Variants in XKR9 observed in about 807,000 individuals in gnomAD.
The protein encoded by XKR9 is XK related 9, also known as XK-related protein 9.
In XKR9, 32 loss-of-function variants were observed where a neutral mutation model predicts 32.0. The ratio of observed to expected loss-of-function variants is 1.00; its 90% CI spans 0.76 to 1.34. The LOEUF (loss-of-function observed/expected upper bound fraction) is 1.34, where lower values mean the gene tolerates loss of function less well. Ranked by LOEUF, XKR9 falls within the 40% of genes most tolerant of loss-of-function variation. The probability of loss-of-function intolerance (pLI) is 0.00; values close to 1 mark genes in which losing one functional copy is unlikely to be tolerated. For missense variants in XKR9, 546 were observed against 429.7 expected (o/e 1.27, Z -2.39); for synonymous variants, 168 against 143.4 (o/e 1.17, Z -1.22).
chr8:70,973,661 C>G, the XKR9 span, among the ~76,000 whole-genome samples: 1 of 152,016 alleles, frequency 6.6e-6, no homozygotes, highest in Non-Finnish European at 1.5e-5. Context: ...TAGGTTGTAC[C>G]ACTATTATTA....
At chr8:70,799,511 T>A in the XKR9 span, among the ~76,000 whole-genome samples, 1 of 152,014 alleles carries the variant, frequency 6.6e-6, no homozygotes, top group East Asian at 1.9e-4. Context: ...TTTTGTATTT[T>A]AGTAGAGACA....
the XKR9 span, among the ~76,000 whole-genome samples, chr8:71,058,898 C>G: frequency 2.6e-5 from 4 of 152,202 alleles, no homozygotes; most frequent in South Asian, 2.1e-4. Flanking sequence ...GCATCCTCAT[C>G]TCTGTGCCAT....
chr8:70,761,551 T>G (rs1312897254), intron 2 of XKR9, among the ~76,000 whole-genome samples: 2 of 152,026 alleles, frequency 1.3e-5, no homozygotes, highest in African/African-American at 4.8e-5. Flanking sequence ...AGGCTGTTAG[T>G]TTTTTCTTGT....
the XKR9 span, among the ~76,000 whole-genome samples, chr8:70,872,022 G>A: frequency 6.6e-6 from 1 of 152,154 alleles, no homozygotes; most frequent in African/African-American, 2.4e-5. Context: ...CTATGGAACT[G>A]GAACTTTCTT....
chr8:70,675,144 G>A (rs1439562099), intron 2 of XKR9, among the ~76,000 whole-genome samples: 1 of 152,074 alleles, frequency 6.6e-6, no homozygotes, highest in Non-Finnish European at 1.5e-5. Context: ...TAAGAAACGA[G>A]GGCCAGGTGC....
the XKR9 span, among the ~76,000 whole-genome samples, chr8:70,891,397 A>T: frequency 6.6e-6 from 1 of 152,008 alleles, no homozygotes; most frequent in Admixed American, 6.6e-5. Flanking sequence ...CTTATTTAAA[A>T]TATTTCTACT....
At chr8:70,882,321 A>G in the XKR9 span, among the ~76,000 whole-genome samples, 17,387 of 151,888 alleles carry the variant, frequency 0.11, 1,179 homozygotes, top group African/African-American at 0.19. Context: ...AAAAAAATTA[A>G]GGCATGTGGT....
At chr8:70,853,179 TG>T in the XKR9 span, among the ~76,000 whole-genome samples, 1 of 152,040 alleles carries the variant, frequency 6.6e-6, no homozygotes, top group Non-Finnish European at 1.5e-5. Context: ...CTCACTTATT[TG>T]TGGGATCTAA....
intron 3 of XKR9, among the ~76,000 whole-genome samples, chr8:70,681,831 G>A (rs1448219657): frequency 2.0e-5 from 3 of 151,914 alleles, no homozygotes; most frequent in Non-Finnish European, 4.4e-5. Context: ...ACTCTAAATA[G>A]GCCCTCAGAA....
the XKR9 span, among the ~76,000 whole-genome samples, chr8:70,829,035 AT>A: frequency 6.6e-6 from 1 of 152,216 alleles, no homozygotes; most frequent in South Asian, 2.1e-4. Flanking sequence ...TCATGGTAAC[AT>A]TTACCAACAA....
chr8:70,956,970 C>T, the XKR9 span, among the ~76,000 whole-genome samples: 58 of 152,066 alleles, frequency 3.8e-4, no homozygotes, highest in Non-Finnish European at 7.5e-4. Flanking sequence ...CTCACCAACT[C>T]GATAGGGGGG....
At chr8:70,889,401 T>C in the XKR9 span, among the ~76,000 whole-genome samples, 1 of 151,816 alleles carries the variant, frequency 6.6e-6, no homozygotes. Flanking sequence ...TAAAAACTTT[T>C]ATCGTTTCAC....
At chr8:70,758,653 A>T (rs980209944) in intron 2 of XKR9, among the ~76,000 whole-genome samples, 5 of 152,236 alleles carry the variant, frequency 3.3e-5, no homozygotes, top group Non-Finnish European at 4.4e-5. Flanking sequence ...ATACAATGGC[A>T]ACGTTTTTGT....
chr8:71,002,644 C>T, the XKR9 span, among the ~76,000 whole-genome samples: 1 of 152,104 alleles, frequency 6.6e-6, no homozygotes, highest in Non-Finnish European at 1.5e-5. Flanking sequence ...TTAAATATGC[C>T]ATTCGGTGAA....
chr8:70,997,676 G>A, the XKR9 span, among the ~76,000 whole-genome samples: 1 of 152,088 alleles, frequency 6.6e-6, no homozygotes, highest in Non-Finnish European at 1.5e-5. Context: ...CACTGCTTGG[G>A]CGATGGGTAT....
At chr8:70,868,772 G>A in the XKR9 span, among the ~76,000 whole-genome samples, 29 of 152,174 alleles carry the variant, frequency 1.9e-4, no homozygotes, top group East Asian at 3.9e-4. Flanking sequence ...TAATAAAATG[G>A]GATTTTCTCT....
chr8:70,910,219 C>T, the XKR9 span, among the ~76,000 whole-genome samples: 1 of 152,104 alleles, frequency 6.6e-6, no homozygotes, highest in Non-Finnish European at 1.5e-5. Context: ...GAGTAAAAGG[C>T]ACCTTTCCAG....
At chr8:70,998,550 G>A in the XKR9 span, among the ~76,000 whole-genome samples, 1 of 152,184 alleles carries the variant, frequency 6.6e-6, no homozygotes, top group African/African-American at 2.4e-5. Flanking sequence ...TCAGATGCAA[G>A]CCTCTAATTT....
chr8:70,832,304 G>A, the XKR9 span, among the ~76,000 whole-genome samples: 48,456 of 152,010 alleles, frequency 0.32, 9,083 homozygotes, highest in Non-Finnish European at 0.43. Context: ...ACGGGGTAGG[G>A]ACATTGAAGT....
Sources: allele counts gnomAD v4.1 joint callset (sites outside exome capture counted in the v4.1 genomes callset), GRCh38; gene constraint gnomAD v4.1.1; transcripts MANE v1.5; gene names NCBI Gene and HGNC (gene_info 2026-07-23, HGNC 2026-07-21).